Variants in TSHR observed in about 807,000 individuals in gnomAD.
TSHR encodes the protein thyroid stimulating hormone receptor.
Under a neutral mutation model 64.1 loss-of-function variants are expected in TSHR, and 51 were observed. The ratio of observed to expected loss-of-function variants is 0.80; its 90% CI spans 0.64 to 1.01. The LOEUF (loss-of-function observed/expected upper bound fraction) is 1.01. TSHR is among the 50% of genes least tolerant of loss of function. The probability of loss-of-function intolerance (pLI) is 0.00; values close to 1 mark genes in which losing one functional copy is unlikely to be tolerated. For missense variants in TSHR, 877 were observed against 942.8 expected, an observed-to-expected ratio of 0.93 and a Z score of 0.91; for synonymous variants, 361 against 361.9, an observed-to-expected ratio of 1.00 and a Z score of 0.03.
At chr14:80,997,616 A>C (rs1889092105) in intron 1 of TSHR, among the ~76,000 whole-genome samples, 1 of 152,246 alleles carries the variant, frequency 6.6e-6, no homozygotes, top group South Asian at 2.1e-4. Flanking sequence ...CATATATAAA[A>C]TAGATGGGAG....
chr14:81,138,672 T>C (rs1416440881), intron 8 of TSHR, among the ~76,000 whole-genome samples: 1 of 152,156 alleles, frequency 6.6e-6, no homozygotes, highest in Non-Finnish European at 1.5e-5. Flanking sequence ...CTTGAGAATG[T>C]AAACCCCAGC....
Position 81,108,881 on chromosome 14 carries a change from G to C in TSHR, c.692+429G>C, listed in dbSNP as rs958167755. 5 of 1,439,688 alleles carry C rather than the reference G, an allele frequency of 3.5e-6. No individual in the cohort carries two copies. The East Asian group carries it at 7.6e-5, about 22-fold the overall frequency. 89.2% of individuals were successfully genotyped at this position (1,439,688 alleles called of 1,614,324 possible). On this transcript the variant is annotated intron_variant, in intron 8 of 9. Transcript: ENST00000298171. ...AAGAATATAAATGATAGTTCGACTC[G>C]TCTGTGGAAGAACTTACAATCATGG...
intron 1 of TSHR, among the ~76,000 whole-genome samples, chr14:81,055,486 T>C (rs564140583): frequency 5.9e-4 from 90 of 152,134 alleles, no homozygotes; most frequent in Non-Finnish European, 1.1e-3. Context: ...ACTTGCACCA[T>C]GCACCTGGAA....
intron 1 of TSHR, among the ~76,000 whole-genome samples, chr14:81,016,092 G>A (rs1890169827): frequency 6.6e-6 from 1 of 152,218 alleles, no homozygotes; most frequent in Non-Finnish European, 1.5e-5. Context: ...ACATGGGAAT[G>A]CAGATATCTC....
intron 8 of TSHR, among the ~76,000 whole-genome samples, chr14:81,123,396 T>C (rs1428406357): frequency 6.6e-6 from 1 of 152,240 alleles, no homozygotes; most frequent in Non-Finnish European, 1.5e-5. Context: ...ATAGCTTCTT[T>C]CCATAATTAG....
chr14:81,026,762 ACAGTGGCT>A (rs1451691155), intron 1 of TSHR, among the ~76,000 whole-genome samples: 1 of 152,188 alleles, frequency 6.6e-6, no homozygotes, highest in Non-Finnish European at 1.5e-5. Flanking sequence ...TGGGCCAGGC[ACAGTGGCT>A]CACACCTGTA....
At chr14:81,002,771 C>A in intron 1 of TSHR, among the ~76,000 whole-genome samples, 1 of 108,032 alleles carries the variant, frequency 9.3e-6, no homozygotes, top group Non-Finnish European at 1.9e-5. Flanking sequence ...CATTAAGGTC[C>A]CTAATGCCTC....
intron 7 of TSHR, chr14:81,104,468 C>T (rs555385431): frequency 1.0e-6 from 1 of 985,422 alleles, no homozygotes; most frequent in South Asian, 4.7e-5. Flanking sequence ...AGCAAATTCT[C>T]TTGCCACGAC....
At chr14:81,019,457 CTTTT>C (rs1166193901) in intron 1 of TSHR, among the ~76,000 whole-genome samples, 2 of 118,384 alleles carry the variant, frequency 1.7e-5, no homozygotes, top group Non-Finnish European at 1.8e-5. Flanking sequence ...ATCATCAATT[CTTTT>C]TTTTTTTTTT....
At chr14:81,001,204 A>AT (rs1385957483) in intron 1 of TSHR, 2 of 168,022 alleles carry the variant, frequency 1.2e-5, no homozygotes, top group African/African-American at 4.8e-5. Flanking sequence ...TTCTTTTGAG[A>AT]TATCTTTTTT....
At chr14:81,015,733 C>T (rs1890146438) in intron 1 of TSHR, among the ~76,000 whole-genome samples, 1 of 152,064 alleles carries the variant, frequency 6.6e-6, no homozygotes. Context: ...CTTATTCCTC[C>T]TGTCTAACCG....
chr14:81,110,820 C>T (rs574642498), intron 8 of TSHR, among the ~76,000 whole-genome samples: 57 of 152,138 alleles, frequency 3.7e-4, no homozygotes, highest in African/African-American at 6.5e-4. Context: ...TCAACTAGGA[C>T]GGCCATTTAA....
At chr14:81,122,292 C>T (rs1890835857) in intron 8 of TSHR, among the ~76,000 whole-genome samples, 1 of 151,742 alleles carries the variant, frequency 6.6e-6, no homozygotes, top group Admixed American at 6.6e-5. Flanking sequence ...ATCCACCTGC[C>T]TAGGCCTACC....
intron 1 of TSHR, among the ~76,000 whole-genome samples, chr14:81,020,022 G>A (rs1883655285): frequency 6.6e-6 from 1 of 152,148 alleles, no homozygotes; most frequent in African/African-American, 2.4e-5. Context: ...CTAGATCCTT[G>A]AGGAATCGCC....
chr14:80,978,137 G>A lies in TSHR; in HGVS notation c.170+22287G>A, dbSNP rs567196933. 3.7e-4 allele frequency among the ~76,000 whole-genome samples: 54 copies of A among 146,458 alleles called. 2 individuals carry two copies. The highest frequency in any genetic ancestry group is 1.3e-3 in the African/African-American group (50 of 39,648). ...CACACACACACACACACACATGCAT[G>A]TGCACTTTTCTAAAGCATGAACATT... is the stretch of plus-strand genomic sequence containing the variant. On this transcript the variant is annotated intron_variant, in intron 1 of 9. Transcript: ENST00000298171.
intron 1 of TSHR, among the ~76,000 whole-genome samples, chr14:81,044,445 T>C (rs1885069950): frequency 6.6e-6 from 1 of 151,976 alleles, no homozygotes; most frequent in African/African-American, 2.4e-5. Context: ...GATCACGAGG[T>C]CAGGAGATTG....
At chr14:81,074,736 C>T (rs1887370663) in intron 3 of TSHR, among the ~76,000 whole-genome samples, 1 of 152,162 alleles carries the variant, frequency 6.6e-6, no homozygotes, top group Non-Finnish European at 1.5e-5. Flanking sequence ...ATGAGGACTA[C>T]AGCAGTAAAA....
At position 81,130,763 on chromosome 14, in the gene TSHR, G is replaced by A. The variant is rs1367905159; in HGVS notation, c.693-8916G>A. Among the ~76,000 whole-genome samples, 7 of 90,760 alleles carry A rather than the reference G, an allele frequency of 7.7e-5. 1 individual carries two copies. The highest frequency in any genetic ancestry group is 3.6e-4 in the African/African-American group (4 of 10,984). 59.5% of individuals were successfully genotyped at this position (90,760 alleles called of 152,430 possible). A position where few individuals can be genotyped will look rare whatever the true frequency, so the allele number is the denominator to read the frequency against. On this transcript the variant is annotated intron_variant, in intron 8 of 9. Coordinates refer to ENST00000298171, the MANE Select transcript of TSHR (RefSeq NM_000369.5). ...TCCCAGCACTTTGGGAGGCCGAGGC[G>A]GGTGGATCATGAGGTCAGGAGATCG... is the stretch of plus-strand genomic sequence containing the variant.
chr14:81,088,069 AG>A (rs770303366), intron 4 of TSHR, 41 bp downstream of exon 4: 3 of 1,476,150 alleles, frequency 2.0e-6, no homozygotes, highest in Admixed American at 3.4e-5. Flanking sequence ...TTCTGGGGGG[AG>A]GGGGTCAGAT....
Sources: allele counts gnomAD v4.1 joint callset (sites outside exome capture counted in the v4.1 genomes callset), GRCh38; gene constraint gnomAD v4.1.1; transcripts MANE v1.5; gene names NCBI Gene and HGNC (gene_info 2026-07-23, HGNC 2026-07-21).